DIAPH3: variants seen among roughly 807,000 people sequenced by gnomAD.
DIAPH3 encodes the protein protein diaphanous homolog 3.
In DIAPH3, 117 loss-of-function variants were observed where a neutral mutation model predicts 144.3. That is an observed-to-expected ratio of 0.81 (90% CI 0.70 to 0.95). The LOEUF (loss-of-function observed/expected upper bound fraction) is 0.95. Among genes scored for constraint, DIAPH3 ranks in the 40% least tolerant of loss-of-function variants. The pLI, the probability that DIAPH3 is intolerant of heterozygous loss-of-function variation, is 0.00. For missense variants in DIAPH3, 1,421 were observed against 1,412.7 expected, an observed-to-expected ratio of 1.01 and a Z score of -0.09; for synonymous variants, 519 against 488.9, an observed-to-expected ratio of 1.06 and a Z score of -0.81.
chr13:59,739,141 T>C (rs2036309912), intron 27 of DIAPH3, among the ~76,000 whole-genome samples: 2 of 152,168 alleles, frequency 1.3e-5, no homozygotes, highest in Non-Finnish European at 2.9e-5. Context: ...TAACAACTGT[T>C]AGTAGAGGGA....
intron 13 of DIAPH3, among the ~76,000 whole-genome samples, chr13:59,983,103 C>T (rs1428771687): frequency 4.9e-5 from 5 of 101,708 alleles, no homozygotes; most frequent in Middle Eastern, 6.8e-3. Context: ...AATAAAAACT[C>T]AAATGTTACA....
chr13:60,077,495 A>C (rs2057416413), intron 4 of DIAPH3, among the ~76,000 whole-genome samples: 1 of 152,182 alleles, frequency 6.6e-6, no homozygotes, highest in Non-Finnish European at 1.5e-5. Flanking sequence ...CCAATATCAG[A>C]ATAAAATTAA....
intron 9 of DIAPH3, among the ~76,000 whole-genome samples, chr13:60,002,985 G>A (rs144881285): frequency 9.5e-4 from 144 of 152,300 alleles, no homozygotes; most frequent in Middle Eastern, 3.4e-3. Flanking sequence ...AGAAACTAGA[G>A]ATTGGTTAAC....
chr13:59,907,574 A>G (rs2046801881), intron 20 of DIAPH3, among the ~76,000 whole-genome samples: 1 of 152,228 alleles, frequency 6.6e-6, no homozygotes, highest in Admixed American at 6.5e-5. Flanking sequence ...CTGGATTTCA[A>G]TCCTAATAGG....
intron 3 of DIAPH3, among the ~76,000 whole-genome samples, chr13:60,103,960 T>G (rs1364218076): frequency 6.6e-6 from 1 of 152,154 alleles, no homozygotes; most frequent in African/African-American, 2.4e-5. Flanking sequence ...AATGGCTTAG[T>G]GCCAAATAAA....
chr13:60,039,438 G>A (rs2055471627), intron 5 of DIAPH3, among the ~76,000 whole-genome samples: 1 of 151,966 alleles, frequency 6.6e-6, no homozygotes, highest in African/African-American at 2.4e-5. Context: ...CAAGTGGCAG[G>A]GAGTACAGGC....
chr13:60,135,249 C>CTT (rs764946495), intron 1 of DIAPH3, among the ~76,000 whole-genome samples: 1 of 137,696 alleles, frequency 7.3e-6, no homozygotes, highest in African/African-American at 2.6e-5. Context: ...TCATGGTTTT[C>CTT]TTTTTTTTTT....
rs1217852608 is a variant in DIAPH3, at chr13:59,974,445, C to T, written c.1557G>A (p.Glu519=). Residue 519 remains glutamate, a synonymous_variant, in exon 15 of 28, where the codon GAG becomes GAA. Transcript: ENST00000400324. ...CCTGAGTTTCTTGGTGGTCGGTAAA[C>T]TCTTTTTCAAACTGAAACAAATTAA... ...ASELYKKFEK[E]FTDHQETQAE... is the part of the protein sequence containing the mutation. 6.2e-6 allele frequency: 10 copies of T among 1,608,114 alleles called. No individual in the cohort carries two copies. The highest frequency in any genetic ancestry group is 5.0e-5 in the Admixed American group (3 of 59,578).
Position 59,822,444 on chromosome 13 carries a change from A to AT in DIAPH3, c.3027+10662dup, listed in dbSNP as rs202085142. 1.9e-4 allele frequency among the ~76,000 whole-genome samples: 29 copies of AT among 151,746 alleles called. No homozygotes were observed. In the East Asian group the frequency reaches 4.8e-3, roughly 25 times the overall value. ...ATGAACCTAATTTATTTATTTATTT[A>AT]TTTATTTTTTTTTGTGAGACGGAGT... On this transcript the variant is annotated intron_variant, in intron 24 of 27. Coordinates refer to ENST00000400324, the MANE Select transcript of DIAPH3 (RefSeq NM_001042517.2).
At chr13:59,762,210 C>A (rs2037636972) in intron 27 of DIAPH3, among the ~76,000 whole-genome samples, 1 of 151,986 alleles carries the variant, frequency 6.6e-6, no homozygotes, top group African/African-American at 2.4e-5. Flanking sequence ...TACAGGTGTG[C>A]ACCACCACAC....
At chr13:59,959,510 T>C (rs1165480977) in intron 17 of DIAPH3, among the ~76,000 whole-genome samples, 1 of 152,158 alleles carries the variant, frequency 6.6e-6, no homozygotes, top group African/African-American at 2.4e-5. Context: ...TAAGCCCGTG[T>C]GAGTCTTTAA....
chr13:59,795,445 TTCTC>T (rs1225546793), intron 25 of DIAPH3, among the ~76,000 whole-genome samples: 30 of 150,922 alleles, frequency 2.0e-4, no homozygotes, highest in African/African-American at 5.8e-4. Flanking sequence ...AGGTATATCA[TTCTC>T]TCTCTCTTTT....
At chr13:59,800,053 T>C (rs2039823965) in intron 25 of DIAPH3, among the ~76,000 whole-genome samples, 1 of 152,108 alleles carries the variant, frequency 6.6e-6, no homozygotes, top group Non-Finnish European at 1.5e-5. Flanking sequence ...TACACCAAAT[T>C]GTCAAAACTT....
In DIAPH3 at chr13:59,666,779, C is replaced by T. The variant is rs370662741; in HGVS notation, c.3387G>A (p.Arg1129=). The change falls in exon 28 of 28, where the codon AGG becomes AGA. Residue 1129 remains arginine (R), a synonymous_variant. Coordinates refer to ENST00000400324, the MANE Select transcript of DIAPH3 (RefSeq NM_001042517.2). ...AATTAAGCTCCTTGGCGACTGGAGTCCTTGTTGAGTTGCAATTGATATTGT... is the reference window on the plus strand; with the variant it reads ...AATTAAGCTCCTTGGCGACTGGAGTTCTTGTTGAGTTGCAATTGATATTGT... The part of the protein sequence containing the change: ...SHYNINCNST[R]TPVAKELNYN... 1.3e-5 allele frequency: 21 copies of T among 1,614,074 alleles called. No homozygotes were observed. The highest frequency in any genetic ancestry group is 1.8e-5 in the Non-Finnish European group (21 of 1,180,002).
intron 2 of DIAPH3, among the ~76,000 whole-genome samples, chr13:60,128,275 G>A (rs2059041665): frequency 1.3e-5 from 2 of 152,274 alleles, no homozygotes; most frequent in South Asian, 4.1e-4. Context: ...ATTGCATGGT[G>A]TATTAGTACC....
intron 27 of DIAPH3, among the ~76,000 whole-genome samples, chr13:59,748,764 G>C (rs1181930763): frequency 6.6e-6 from 1 of 152,162 alleles, no homozygotes; most frequent in African/African-American, 2.4e-5. Context: ...ATTGTATGAA[G>C]GAAGGTGTAA....
intron 27 of DIAPH3, among the ~76,000 whole-genome samples, chr13:59,683,408 G>C (rs2033047993): frequency 6.6e-6 from 1 of 152,060 alleles, no homozygotes; most frequent in South Asian, 2.1e-4. Flanking sequence ...AAAATACATA[G>C]AGCTGGGGGT....
At chr13:59,800,847 G>C (rs991741519) in intron 25 of DIAPH3, among the ~76,000 whole-genome samples, 4 of 152,048 alleles carry the variant, frequency 2.6e-5, no homozygotes, top group African/African-American at 9.7e-5. Flanking sequence ...AATTAACAGA[G>C]TCACAGCAAA....
intron 27 of DIAPH3, among the ~76,000 whole-genome samples, chr13:59,747,134 C>A (rs2036746554): frequency 6.6e-6 from 1 of 152,014 alleles, no homozygotes. Flanking sequence ...GAGAAAATAA[C>A]CACAATAGCA....
Sources: allele counts gnomAD v4.1 joint callset (sites outside exome capture counted in the v4.1 genomes callset), GRCh38; gene constraint gnomAD v4.1.1; transcripts MANE v1.5; gene names NCBI Gene and HGNC (gene_info 2026-07-23, HGNC 2026-07-21).